The following GABRB1 variants were observed in gnomAD, a reference collection of about 807,000 sequenced individuals.
GABRB1 encodes gamma-aminobutyric acid receptor subunit beta-1.
A neutral mutation model predicts 51.6 loss-of-function variants in GABRB1; 17 were observed. The observed-to-expected ratio is 0.33, with a 90% CI of 0.23 to 0.49. GABRB1 has a LOEUF of 0.49. GABRB1 is among the 20% of genes least tolerant of loss of function. The pLI, the probability that GABRB1 is intolerant of heterozygous loss-of-function variation, is 0.99. For synonymous variants in GABRB1, 247 were observed against 218.9 expected, an observed-to-expected ratio of 1.13 and a Z score of -1.14; for missense variants, 410 against 600.6, an observed-to-expected ratio of 0.68 and a Z score of 3.32.
At chr4:47,412,503 T>C (rs1728790856) in intron 8 of GABRB1, among the ~76,000 whole-genome samples, 1 of 152,238 alleles carries the variant, frequency 6.6e-6, no homozygotes, top group South Asian at 2.1e-4. Context: ...ATGCTTTATA[T>C]CAACCTCTGG....
intron 5 of GABRB1, among the ~76,000 whole-genome samples, chr4:47,361,805 G>A (rs1446555510): frequency 4.6e-5 from 7 of 152,116 alleles, no homozygotes; most frequent in Non-Finnish European, 1.0e-4. Context: ...GGTTTTGATG[G>A]GGAAATCAAA....
chr4:47,378,602 C>T (rs1727481014), intron 5 of GABRB1, among the ~76,000 whole-genome samples: 2 of 152,198 alleles, frequency 1.3e-5, no homozygotes, highest in South Asian at 2.1e-4. Context: ...GGACTGCCGG[C>T]ATGCTGTCAC....
intron 3 of GABRB1, among the ~76,000 whole-genome samples, chr4:47,086,695 A>G (rs1199649425): frequency 1.3e-5 from 2 of 152,046 alleles, no homozygotes; most frequent in East Asian, 1.9e-4. Flanking sequence ...AGATTATATC[A>G]CTCTTATTTC....
At chr4:47,040,846 T>C (rs1309450851) in intron 3 of GABRB1, among the ~76,000 whole-genome samples, 1 of 152,138 alleles carries the variant, frequency 6.6e-6, no homozygotes, top group Non-Finnish European at 1.5e-5. Context: ...CCTAGTAATA[T>C]AGCTTTTTAT....
chr4:47,373,543 G>A lies in GABRB1; in HGVS notation c.545-29775G>A, dbSNP rs569111795. 2.8e-3 allele frequency among the ~76,000 whole-genome samples: 421 copies of A among 152,096 alleles called. 4 individuals carry two copies. The highest frequency in any genetic ancestry group is 9.0e-4 in the Non-Finnish European group (61 of 68,020). ...TCTTTATATGTGAGACCCAGACTGG[G>A]GTTCAAGATCCAGCTCTGCTTCTTA... On this transcript the variant is annotated intron_variant, in intron 5 of 8. Transcript: ENST00000295454.
chr4:47,154,819 G>T (rs1717618948), intron 3 of GABRB1, among the ~76,000 whole-genome samples: 1 of 151,990 alleles, frequency 6.6e-6, no homozygotes, highest in Non-Finnish European at 1.5e-5. Flanking sequence ...TGCCCTTATG[G>T]CTACTTTCTG....
intron 8 of GABRB1, among the ~76,000 whole-genome samples, chr4:47,417,588 C>G (rs1312508007): frequency 6.6e-6 from 1 of 152,158 alleles, no homozygotes; most frequent in African/African-American, 2.4e-5. Context: ...TGGGCTGTTG[C>G]AACTGTGTGT....
intron 3 of GABRB1, among the ~76,000 whole-genome samples, chr4:47,105,802 T>C (rs375150280): frequency 1.6e-4 from 25 of 152,212 alleles, no homozygotes; most frequent in African/African-American, 6.0e-4. Context: ...ATATTCCTCA[T>C]AAGAACTGTG....
intron 3 of GABRB1, among the ~76,000 whole-genome samples, chr4:47,119,620 T>C (rs1373072603): frequency 1.3e-5 from 2 of 151,984 alleles, no homozygotes; most frequent in East Asian, 3.9e-4. Context: ...GCGATTCTGC[T>C]GCCTCAGCCT....
chr4:47,296,307 G>C (rs1723990835), intron 4 of GABRB1, among the ~76,000 whole-genome samples: 1 of 152,154 alleles, frequency 6.6e-6, no homozygotes, highest in South Asian at 2.1e-4. Context: ...AGAAGACACA[G>C]ACTGGCAAAT....
intron 3 of GABRB1, among the ~76,000 whole-genome samples, chr4:47,058,818 C>T (rs1420685718): frequency 5.3e-5 from 8 of 152,054 alleles, no homozygotes; most frequent in Admixed American, 5.2e-4. Context: ...CTTGTCCACC[C>T]CAGTAGATAT....
intron 3 of GABRB1, among the ~76,000 whole-genome samples, chr4:47,154,676 G>A (rs1208462279): frequency 6.6e-6 from 1 of 152,002 alleles, no homozygotes; most frequent in Non-Finnish European, 1.5e-5. Context: ...AAGGAAAGTG[G>A]AATTTGGTGT....
intron 3 of GABRB1, among the ~76,000 whole-genome samples, chr4:47,100,900 T>C (rs1404705519): frequency 6.6e-6 from 1 of 151,874 alleles, no homozygotes; most frequent in Admixed American, 6.6e-5. Flanking sequence ...CCAGCTTTCT[T>C]AAAGTCAAGA....
intron 3 of GABRB1, 33 bp from the exon 4 acceptor site, chr4:47,161,216 T>C: frequency 7.6e-7 from 1 of 1,323,468 alleles, no homozygotes; most frequent in South Asian, 1.3e-5. Flanking sequence ...ATAGTAAAAT[T>C]CTTTTTTTTT....
chr4:47,246,501 A>G (rs562132090), intron 4 of GABRB1, among the ~76,000 whole-genome samples: 59 of 149,278 alleles, frequency 4.0e-4, no homozygotes, highest in African/African-American at 1.0e-3. Context: ...ATATACAAGT[A>G]TCTTTTTCAT....
intron 3 of GABRB1, among the ~76,000 whole-genome samples, chr4:47,111,827 T>C (rs2109628569): frequency 6.6e-6 from 1 of 152,184 alleles, no homozygotes; most frequent in Non-Finnish European, 1.5e-5. Context: ...ATCATACCAC[T>C]GCACTCCAAC....
chr4:47,281,111 A>G (rs566481076), intron 4 of GABRB1, among the ~76,000 whole-genome samples: 25 of 152,254 alleles, frequency 1.6e-4, no homozygotes, highest in African/African-American at 6.0e-4. Context: ...GAGACAACCT[A>G]TTGACTGGGA....
At chr4:47,297,628 C>G (rs1724056986) in intron 4 of GABRB1, among the ~76,000 whole-genome samples, 1 of 152,130 alleles carries the variant, frequency 6.6e-6, no homozygotes, top group Non-Finnish European at 1.5e-5. Flanking sequence ...AGCTTACCAA[C>G]CAAAAAGAGT....
intron 4 of GABRB1, among the ~76,000 whole-genome samples, chr4:47,292,312 CT>C (rs1426740584): frequency 6.6e-6 from 1 of 152,172 alleles, no homozygotes; most frequent in Non-Finnish European, 1.5e-5. Context: ...AAACCTCTTT[CT>C]TTTGTAAATT....
Sources: gnomAD v4.1 joint callset for allele counts (sites outside exome capture counted in the v4.1 genomes callset) on GRCh38, gnomAD v4.1.1 for gene constraint, MANE v1.5 for transcripts, NCBI Gene and HGNC (gene_info 2026-07-23, HGNC 2026-07-21) for gene names.